The following DHX40 variants were observed in gnomAD, a reference collection of about 807,000 sequenced individuals.
The protein encoded by DHX40 is DEAH-box helicase 40, also known as probable ATP-dependent RNA helicase DHX40.
Under a neutral mutation model 89.6 loss-of-function variants are expected in DHX40, and 28 were observed. The ratio of observed to expected loss-of-function variants is 0.31; its 90% confidence interval spans 0.23 to 0.43. The LOEUF (loss-of-function observed/expected upper bound fraction) is 0.43. DHX40 is among the 20% of genes least tolerant of loss of function. The pLI, the probability that DHX40 is intolerant of heterozygous loss-of-function variation, is 1.00. For synonymous variants in DHX40, 226 were observed against 283.6 expected, an observed-to-expected ratio of 0.80 and a Z score of 2.04; for missense variants, 457 against 844.0, an observed-to-expected ratio of 0.54 and a Z score of 5.68.
At chr17:59,594,790 G>A (rs1598168487) in intron 12 of DHX40, among the ~76,000 whole-genome samples, 1 of 151,846 alleles carries the variant, frequency 6.6e-6, no homozygotes, top group African/African-American at 2.4e-5. Flanking sequence ...AAAGGGTGCC[G>A]CTTTCAGGCT....
intron 7 of DHX40, among the ~76,000 whole-genome samples, chr17:59,575,968 C>T (rs1334457444): frequency 2.0e-5 from 3 of 149,304 alleles, no homozygotes; most frequent in African/African-American, 5.0e-5. Flanking sequence ...CAGCCCACTG[C>T]AACCGCCACC....
At chr17:59,576,968 C>T in intron 7 of DHX40, 1 of 348,374 alleles carries the variant, frequency 2.9e-6, no homozygotes, top group Non-Finnish European at 5.5e-6. Context: ...CTCCCAGATT[C>T]AAGCAATTCT....
intron 12 of DHX40, among the ~76,000 whole-genome samples, chr17:59,590,398 T>G (rs903733430): frequency 1.3e-5 from 2 of 150,382 alleles, no homozygotes; most frequent in African/African-American, 4.9e-5. Flanking sequence ...GGAGGATACA[T>G]TTTTCTATAA....
rs2048883874 is a variant in DHX40, at chr17:59,576,522, AATAT to A, written c.974-741_974-738del. On this transcript the variant is annotated intron_variant, in intron 7 of 17. Coordinates refer to ENST00000251241, the MANE Select transcript of DHX40 (RefSeq NM_024612.5). The stretch of plus-strand genomic sequence containing the variant: ...TATCCCTATATTAACAAAGTTTTGG[AATAT>A]ATGTGTCAGTAAAGAACATAGATGT... 2.0e-5 allele frequency among the ~76,000 whole-genome samples: 3 copies of A among 152,162 alleles called. No homozygotes were observed. In the South Asian group the frequency reaches 6.2e-4, roughly 31 times the overall value.
At chr17:59,570,771 C>A in intron 3 of DHX40, 108 bp downstream of exon 3, 1 of 1,185,790 alleles carries the variant, frequency 8.4e-7, no homozygotes, top group Non-Finnish European at 1.1e-6. Flanking sequence ...GTAGCCTCTA[C>A]CTTCTGGGCT....
chr17:59,575,533 G>A (rs769052714), intron 7 of DHX40, 62 bp downstream of exon 7: 1 of 1,566,534 alleles, frequency 6.4e-7, no homozygotes, highest in East Asian at 2.4e-5. Context: ...GAATAATCGT[G>A]TTTACAGAAA....
chr17:59,593,590 C>G (rs2049110074), intron 12 of DHX40, among the ~76,000 whole-genome samples: 1 of 65,690 alleles, frequency 1.5e-5, no homozygotes, highest in Non-Finnish European at 2.9e-5. Flanking sequence ...ATTCTCCTTC[C>G]TCAGCCTCAC....
intron 14 of DHX40, among the ~76,000 whole-genome samples, chr17:59,601,337 A>G (rs1465139927): frequency 1.3e-5 from 2 of 151,920 alleles, no homozygotes; most frequent in Non-Finnish European, 2.9e-5. Flanking sequence ...CCTACCCATT[A>G]TCTTCTTTCT....
At position 59,587,872 on chromosome 17, in the gene DHX40, T is replaced by TA. The variant is rs775669132; in HGVS notation, c.1425-23dup. ...TGTACTCTCCTAGTGTAGAAAGACT[T>TA]ACAAACTTTTTCTTTGTATTAAGGA... On this transcript the variant is annotated intron_variant, in intron 11 of 17. Coordinates refer to ENST00000251241, the MANE Select transcript of DHX40 (RefSeq NM_024612.5). 8.1e-6 allele frequency: 13 copies of TA among 1,595,894 alleles called. No individual in the cohort carries two copies. The Admixed American group carries it at 8.5e-5, about 10-fold the overall frequency.
At chr17:59,566,903 C>G in intron 2 of DHX40, 109 bp downstream of exon 2, 2 of 961,642 alleles carry the variant, frequency 2.1e-6, no homozygotes, top group Non-Finnish European at 2.9e-6. Flanking sequence ...TTTATAGTCC[C>G]GCTTCTCTTG....
chr17:59,577,169 T>C (rs2048896187), intron 7 of DHX40, 97 bp from the exon 8 acceptor site: 2 of 1,060,852 alleles, frequency 1.9e-6, no homozygotes, highest in Non-Finnish European at 1.4e-6. Flanking sequence ...ACGCCCGGCC[T>C]AGAAACATGA....
chr17:59,588,611 C>T (rs1355001056), intron 12 of DHX40, among the ~76,000 whole-genome samples: 3 of 152,018 alleles, frequency 2.0e-5, no homozygotes, highest in African/African-American at 7.3e-5. Context: ...GGATTACAGG[C>T]GTGAGCCAGC....
intron 15 of DHX40, chr17:59,603,983 G>C (rs1187054933): frequency 1.3e-5 from 2 of 152,168 alleles, no homozygotes; most frequent in Admixed American, 1.3e-4. Context: ...GATCATGAAA[G>C]TCAAAGACTG....
chr17:59,592,552 C>T (rs1031493895), intron 12 of DHX40, among the ~76,000 whole-genome samples: 36 of 150,622 alleles, frequency 2.4e-4, no homozygotes, highest in Non-Finnish European at 3.8e-4. Context: ...GATTAGTTTG[C>T]CTCTTCTGAA....
At chr17:59,598,043 A>T (rs1266678644) in intron 12 of DHX40, among the ~76,000 whole-genome samples, 18 of 149,182 alleles carry the variant, frequency 1.2e-4, no homozygotes, top group South Asian at 6.4e-4. Context: ...ATTTTTGTAT[A>T]TTTTGTAGAG....
At chr17:59,570,069 A>G (rs2048772193) in intron 2 of DHX40, among the ~76,000 whole-genome samples, 1 of 110,846 alleles carries the variant, frequency 9.0e-6, no homozygotes, top group Non-Finnish European at 1.6e-5. Context: ...ACATTATATT[A>G]TAATGTATAT....
At chr17:59,600,081 T>C (rs181352698) in intron 14 of DHX40, among the ~76,000 whole-genome samples, 39 of 152,144 alleles carry the variant, frequency 2.6e-4, no homozygotes, top group African/African-American at 8.0e-4. Flanking sequence ...GCCTCGGCCT[T>C]CCAAAGTGCT....
chr17:59,601,835 A>G (rs1232055037), intron 14 of DHX40, among the ~76,000 whole-genome samples: 1 of 152,142 alleles, frequency 6.6e-6, no homozygotes, highest in East Asian at 1.9e-4. Context: ...GTGGGATCAG[A>G]GCAGTGCTCA....
At chr17:59,569,348 A>G (rs1386866477) in intron 2 of DHX40, among the ~76,000 whole-genome samples, 1 of 149,402 alleles carries the variant, frequency 6.7e-6, no homozygotes. Flanking sequence ...AAATAAATAA[A>G]TAAATAAATA....
Sources: allele counts gnomAD v4.1 joint callset (sites outside exome capture counted in the v4.1 genomes callset), GRCh38; gene constraint gnomAD v4.1.1; transcripts MANE v1.5; gene names NCBI Gene and HGNC (gene_info 2026-07-23, HGNC 2026-07-21).